Variants in OSBPL3 observed in about 807,000 individuals in gnomAD.
OSBPL3 encodes the protein oxysterol-binding protein-related protein 3.
Under a neutral mutation model 120.1 loss-of-function variants are expected in OSBPL3, and 65 were observed. That is an observed-to-expected ratio of 0.54 (90% CI 0.44 to 0.67). The LOEUF is 0.67. Ranked by LOEUF, OSBPL3 falls within the 30% of genes least tolerant of loss-of-function variation. OSBPL3 has a pLI of 0.00. For missense variants in OSBPL3, 1,004 were observed against 1,082.1 expected (o/e 0.93, Z 1.01); for synonymous variants, 416 against 402.6 (o/e 1.03, Z -0.40).
rs1816223491 is a variant in OSBPL3 at position 24,965,114 on chromosome 7, T to A, written c.-150+14772A>T. Among the ~76,000 whole-genome samples, 1 of 152,270 alleles carries A rather than the reference T, an allele frequency of 6.6e-6. No individual in the cohort carries two copies. The highest frequency in any genetic ancestry group is 1.9e-4 in the East Asian group (1 of 5,202). ...ATTCATTTATTCAACAATAAGTATG[T>A]GCTCTGTATTATGTCTTCAAAAAAT... On this transcript the variant is annotated intron_variant, in intron 1 of 22. Transcript: ENST00000313367. This position sits in a 1 kb window ranked among gnomAD's most constrained non-coding sequence, Gnocchi z 4.3.
At chr7:24,874,672 A>AT (rs149753377) in intron 2 of OSBPL3, among the ~76,000 whole-genome samples, 5,516 of 151,216 alleles carry the variant, frequency 0.036, 120 homozygotes, top group Non-Finnish European at 0.054. Context: ...AAGGAGTTGC[A>AT]TTTTTTTTTC....
Position 24,897,278 on chromosome 7 carries a change from T to G in OSBPL3, c.-149-4657A>C, listed in dbSNP as rs111390311. ...GCAGGTGCAGCACAAGATAAGAAGC[T>G]CTACCCCTCCTTCAACTACAAACAA... On this transcript the variant is annotated intron_variant, in intron 1 of 22. Coordinates refer to ENST00000313367, the MANE Select transcript of OSBPL3 (RefSeq NM_015550.4). 6.3e-3 allele frequency among the ~76,000 whole-genome samples: 949 copies of G among 150,374 alleles called. 17 individuals carry two copies. Among genetic ancestry groups the G allele is most frequent in the African/African-American group, 0.022 (908 of 41,052 alleles).
chr7:24,815,206 A>G lies in OSBPL3; in HGVS notation c.2028-3T>C. Reference sequence around the variant, plus strand: ...TCCACTCAAAATGATCCCCAAAACTAAAAAGAAGGAAAAAGTAGAAGTACC... The same window carrying G: ...TCCACTCAAAATGATCCCCAAAACTGAAAAGAAGGAAAAAGTAGAAGTACC... On this transcript the variant is annotated splice_polypyrimidine_tract_variant and splice_region_variant and intron_variant, in intron 18 of 22. Transcript: ENST00000313367. This position sits in a 1 kb window ranked among gnomAD's most constrained non-coding sequence, Gnocchi z 5.1. 1 of 1,610,316 alleles carries G rather than the reference A, an allele frequency of 6.2e-7. No homozygotes were observed. The highest frequency in any genetic ancestry group is 8.5e-7 in the Non-Finnish European group (1 of 1,178,656).
At position 24,972,457 on chromosome 7, in the gene OSBPL3, C is replaced by T. The variant is rs1817134066; in HGVS notation, c.-150+7429G>A. On this transcript the variant is annotated intron_variant, in intron 1 of 22. Transcript: ENST00000313367. The surrounding 1 kb of genome is among the most constrained non-coding windows in gnomAD (Gnocchi z 4.3). Reference sequence around the variant, plus strand: ...CAGACTCATTCCCTTTGAGCCACATCTCCCCACTGTAATTAATGAATTCTC... The same window carrying T: ...CAGACTCATTCCCTTTGAGCCACATTTCCCCACTGTAATTAATGAATTCTC... Among the ~76,000 whole-genome samples the T allele has an allele frequency of 6.6e-6, 1 of 152,226 alleles. No homozygotes were observed. Among genetic ancestry groups the T allele is most frequent in the Non-Finnish European group, 1.5e-5 (1 of 68,040 alleles).
At chr7:24,850,673 G>A (rs1462566232) in intron 11 of OSBPL3, among the ~76,000 whole-genome samples, 3 of 152,190 alleles carry the variant, frequency 2.0e-5, no homozygotes, top group African/African-American at 7.2e-5. Context: ...TCTCTCTGGA[G>A]CACTAACTTT....
chr7:24,801,674 T>C (rs1001162791), intron 22 of OSBPL3, among the ~76,000 whole-genome samples: 1 of 152,248 alleles, frequency 6.6e-6, no homozygotes, highest in East Asian at 1.9e-4. Flanking sequence ...TATTGGAACA[T>C]GGCCATGTCC....
chr7:24,843,013 T>C (rs2128206915), intron 12 of OSBPL3, among the ~76,000 whole-genome samples: 1 of 152,294 alleles, frequency 6.6e-6, no homozygotes, highest in East Asian at 1.9e-4. Flanking sequence ...GGAAAGGAAG[T>C]CCCCAGTCCT....
intron 5 of OSBPL3, among the ~76,000 whole-genome samples, chr7:24,870,238 A>G (rs1449479138): frequency 6.6e-6 from 1 of 152,204 alleles, no homozygotes; most frequent in African/African-American, 2.4e-5. Context: ...GAGGGTAAGC[A>G]GCTTTGAAGT....
intron 1 of OSBPL3, among the ~76,000 whole-genome samples, chr7:24,973,128 T>C (rs1817212560): frequency 6.6e-6 from 1 of 152,214 alleles, no homozygotes; most frequent in African/African-American, 2.4e-5. Context: ...TGCTCTGCTT[T>C]ACATTTAAGC....
At position 24,854,049 on chromosome 7, in the gene OSBPL3, A is replaced by G. The variant is rs376069454; in HGVS notation, c.1028-1415T>C. Among the ~76,000 whole-genome samples, 4 of 152,300 alleles carry G rather than the reference A, an allele frequency of 2.6e-5. No individual in the cohort carries two copies. Among genetic ancestry groups the G allele is most frequent in the African/African-American group, 9.6e-5 (4 of 41,556 alleles). The stretch of plus-strand genomic sequence containing the variant: ...CCAATGCCTGAACTGAAGTTTTAAA[A>G]AACATTAACACATACAGCACACACA... On this transcript the variant is annotated intron_variant, in intron 10 of 22. Transcript: ENST00000313367. This position sits in a 1 kb window ranked among gnomAD's most constrained non-coding sequence, Gnocchi z 4.1.
Position 24,913,179 on chromosome 7 carries a change from C to G in OSBPL3, c.-149-20558G>C, listed in dbSNP as rs1389289227. On this transcript the variant is annotated intron_variant, in intron 1 of 22. Transcript: ENST00000313367. This position sits in a 1 kb window ranked among gnomAD's most constrained non-coding sequence, Gnocchi z 5.3. ...CAAGTCCCACCCAAATTAAAGATGT[C>G]AGGGATACATAAATATTGTCATTAA... Among the ~76,000 whole-genome samples, 5 of 152,166 alleles carry G rather than the reference C, an allele frequency of 3.3e-5. No homozygotes were observed. Among genetic ancestry groups the G allele is most frequent in the African/African-American group, 1.2e-4 (5 of 41,444 alleles).
chr7:24,855,624 C>A lies in OSBPL3; in HGVS notation c.1028-2990G>T, dbSNP rs739709. On this transcript the variant is annotated intron_variant, in intron 10 of 22. Transcript: ENST00000313367. The surrounding 1 kb of genome is among the most constrained non-coding windows in gnomAD (Gnocchi z 4.3). ...CATTAAAATAGTCATTCACAGCCAC[C>A]TAATGATCTGCCACACACAGGGCAA... Among the ~76,000 whole-genome samples, 14,949 of 152,144 alleles carry A rather than the reference C, an allele frequency of 0.098. 1,124 individuals carry two copies. Among genetic ancestry groups the A allele is most frequent in the African/African-American group, 0.2 (8,278 of 41,458 alleles).
In OSBPL3 at chr7:24,872,419, G is replaced by GA. The variant is rs1487677256; in HGVS notation, c.97-351dup. On this transcript the variant is annotated intron_variant, in intron 2 of 22. Coordinates refer to ENST00000313367, the MANE Select transcript of OSBPL3 (RefSeq NM_015550.4). This position sits in a 1 kb window ranked among gnomAD's most constrained non-coding sequence, Gnocchi z 4.1. Reference sequence around the variant, plus strand: ...TGCAATTACTGTTCGTTCAGCACTAGACTTCAGTCTGAATTTTAACCGAAA... The same window carrying GA: ...TGCAATTACTGTTCGTTCAGCACTAGAACTTCAGTCTGAATTTTAACCGAAA... Among the ~76,000 whole-genome samples, 1 of 149,364 alleles carries GA rather than the reference G, an allele frequency of 6.7e-6. No homozygotes were observed. The highest frequency in any genetic ancestry group is 1.5e-5 in the Non-Finnish European group (1 of 67,676).
rs1002157215 is a variant in OSBPL3 at position 24,868,367 on chromosome 7, GTGTC to G, written c.382-2134_382-2131del. ...TGTGTGTGTGTGTGTGTGTGTGTGT[GTGTC>G]TGTGTGTGATGGTGTATTGATATTT... is the stretch of plus-strand genomic sequence containing the variant. On this transcript the variant is annotated intron_variant, in intron 5 of 22. Coordinates refer to ENST00000313367, the MANE Select transcript of OSBPL3 (RefSeq NM_015550.4). 5.5e-4 allele frequency among the ~76,000 whole-genome samples: 74 copies of G among 135,158 alleles called. No homozygotes were observed. The East Asian group carries it at 9.4e-3, about 17-fold the overall frequency. The allele number at this position is 135,158 out of a possible 152,430, so 88.7% of individuals were successfully genotyped here.
Position 24,841,717 on chromosome 7 carries a change from A to AAAG in OSBPL3, c.1401+561_1401+562insCTT, listed in dbSNP as rs1554358558. On this transcript the variant is annotated intron_variant, in intron 13 of 22. Coordinates refer to ENST00000313367, the MANE Select transcript of OSBPL3 (RefSeq NM_015550.4). Reference sequence around the variant, plus strand: ...CTCAAAAAAAAAAAAAAAAAAAAAAAAAAAGAGGCCAGGCACAGTGGCTCA... The same window carrying AAAG: ...CTCAAAAAAAAAAAAAAAAAAAAAAAAAGAAAAGAGGCCAGGCACAGTGGCTCA... 4.2e-4 allele frequency among the ~76,000 whole-genome samples: 35 copies of AAAG among 82,800 alleles called. 8 individuals carry two copies. The highest frequency in any genetic ancestry group is 1.2e-3 in the Admixed American group (8 of 6,874). 54.3% of individuals were successfully genotyped at this position (82,800 alleles called of 152,430 possible).
intron 1 of OSBPL3, among the ~76,000 whole-genome samples, chr7:24,892,886 T>C (rs1458983586): frequency 2.0e-5 from 3 of 152,202 alleles, no homozygotes; most frequent in African/African-American, 7.2e-5. Flanking sequence ...AAATCAGTAC[T>C]ATAAAAAATC....
intron 2 of OSBPL3, among the ~76,000 whole-genome samples, chr7:24,875,288 T>C (rs1434775826): frequency 6.6e-6 from 1 of 152,244 alleles, no homozygotes; most frequent in African/African-American, 2.4e-5. Flanking sequence ...TGTCTCCTAC[T>C]ATTTTAGAGA....
chr7:24,871,728 A>G lies in OSBPL3; in HGVS notation c.267+14T>C, dbSNP rs778896449. The stretch of plus-strand genomic sequence containing the variant: ...GATTCTTCAATACCACAGTGGGCCC[A>G]CAAAAAGACTTACATCGGTTTGGCT... On this transcript the variant is annotated intron_variant, in intron 4 of 22. Transcript: ENST00000313367. The surrounding 1 kb of genome is among the most constrained non-coding windows in gnomAD (Gnocchi z 4.8). 1.2e-6 allele frequency: 2 copies of G among 1,606,668 alleles called. No homozygotes were observed. The highest frequency in any genetic ancestry group is 1.7e-6 in the Non-Finnish European group (2 of 1,173,408).
In OSBPL3 at chr7:24,849,166, T is replaced by C; in HGVS notation, c.1169A>G (p.Gln390Arg). Residue 390 changes from glutamine (Q) to arginine (R), a missense_variant, in exon 12 of 23, where the codon CAA (glutamine) becomes CGA (arginine). Physicochemically the swap from Gln to Arg is conservative, Grantham distance 43. Around this residue, in one of 4 missense-constraint regions of OSBPL3, gnomAD observed 272 missense variants for 248.8 expected, o/e 1.09. Transcript: ENST00000313367. This position sits in a 1 kb window ranked among gnomAD's most constrained non-coding sequence, Gnocchi z 5.4. The stretch of plus-strand genomic sequence containing the variant: ...TAAGCGTTCTTTAAGATCTGTGTTT[T>C]GTGCTAGGGCCTGGAACATGTTAAA... ...LKNALSSALAQNTDLKERLRR... is the reference protein window; with the variant it reads ...LKNALSSALARNTDLKERLRR... 9 of 1,613,434 alleles carry C rather than the reference T, an allele frequency of 5.6e-6. No individual in the cohort carries two copies. Among genetic ancestry groups the C allele is most frequent in the Non-Finnish European group, 7.6e-6 (9 of 1,179,420 alleles).
Sources: allele counts gnomAD v4.1 joint callset (sites outside exome capture counted in the v4.1 genomes callset), GRCh38; gene constraint gnomAD v4.1.1; regional missense constraint gnomAD v4.1.1; non-coding constraint Gnocchi (gnomAD v3.1); transcripts MANE v1.5; gene names NCBI Gene and HGNC (gene_info 2026-07-23, HGNC 2026-07-21).